The following DGLUCY variants were observed in gnomAD, a reference collection of about 807,000 sequenced individuals.
The protein encoded by DGLUCY is D-glutamate cyclase, mitochondrial.
In DGLUCY, 58 loss-of-function variants were observed where a neutral mutation model predicts 58.5. The observed-to-expected ratio is 0.99, with a 90% CI of 0.80 to 1.23. The LOEUF (loss-of-function observed/expected upper bound fraction) is 1.23, where lower values mean the gene tolerates loss of function less well. Among genes scored for constraint, DGLUCY ranks in the 50% most tolerant of loss-of-function variants. DGLUCY has a pLI of 0.00. For synonymous variants in DGLUCY, 325 were observed against 314.1 expected (o/e 1.03, Z -0.37); for missense variants, 779 against 784.7 (o/e 0.99, Z 0.09).
rs2047759709 is a variant in DGLUCY at position 91,157,964 on chromosome 14, A to G, written c.-30+274A>G. ...CTTGCACCTGCTGCCCTCTAGGGTA[A>G]TAATGAGGGTGGGTGGAGGTACCTG... On this transcript the variant is annotated intron_variant, in intron 2 of 13. Transcript: ENST00000256324. Among the ~76,000 whole-genome samples the G allele has an allele frequency of 2.0e-5, 3 of 152,224 alleles. No individual in the cohort carries two copies. The South Asian group carries it at 6.2e-4, about 31-fold the overall frequency.
chr14:91,196,816 A>G (rs2050249566), intron 10 of DGLUCY, among the ~76,000 whole-genome samples: 1 of 152,020 alleles, frequency 6.6e-6, no homozygotes, highest in Non-Finnish European at 1.5e-5. Context: ...AGAATAGTGA[A>G]ATCATTTCAG....
intron 8 of DGLUCY, among the ~76,000 whole-genome samples, chr14:91,188,593 A>G (rs994331217): frequency 3.3e-5 from 5 of 152,182 alleles, no homozygotes; most frequent in African/African-American, 4.8e-5. Context: ...TGGGAGGCCA[A>G]GGTGGGAAGA....
intron 5 of DGLUCY, among the ~76,000 whole-genome samples, chr14:91,172,897 G>A (rs931614718): frequency 6.6e-6 from 1 of 152,114 alleles, no homozygotes; most frequent in Non-Finnish European, 1.5e-5. Context: ...CGCCCACCTC[G>A]GCCTCCCAAG....
intron 8 of DGLUCY, among the ~76,000 whole-genome samples, chr14:91,185,810 C>T (rs1473220926): frequency 1.3e-5 from 2 of 151,994 alleles, no homozygotes; most frequent in African/African-American, 4.8e-5. Context: ...CCCATCAATG[C>T]TGTGCAGACT....
chr14:91,201,387 C>T (rs1300872117), intron 11 of DGLUCY, among the ~76,000 whole-genome samples: 1 of 152,042 alleles, frequency 6.6e-6, no homozygotes, highest in Non-Finnish European at 1.5e-5. Context: ...CAACCTCCGC[C>T]TCCCAGGTTT....
chr14:91,134,354 C>T (rs887077987), intron 1 of DGLUCY, among the ~76,000 whole-genome samples: 1 of 151,934 alleles, frequency 6.6e-6, no homozygotes, highest in African/African-American at 2.4e-5. Flanking sequence ...TTTCCATAAA[C>T]GATTTCACAT....
At position 91,204,711 on chromosome 14, in the gene DGLUCY, G is replaced by A. The variant is rs777862658; in HGVS notation, c.1450G>A (p.Gly484Ser). The A allele has an allele frequency of 2.0e-5, 33 of 1,613,720 alleles. No individual in the cohort carries two copies. The highest frequency in any genetic ancestry group is 1.6e-4 in the Middle Eastern group (1 of 6,084). Residue 484 changes from glycine to serine, a missense_variant, in exon 12 of 14, where the codon GGT becomes AGT. Physicochemically the swap from Gly to Ser is moderately conservative, Grantham distance 56 (BLOSUM62 0). Transcript: ENST00000256324. ...KIPGISSTGVGDGGNELGMGK... is the reference protein window; with the variant it reads ...KIPGISSTGVSDGGNELGMGK... Reference sequence around the variant, plus strand: ...TCAGCTCCCCTTCCCTTCAGGAGTCGGTGATGGAGGCAACGAGCTTGGGAT... The same window carrying A: ...TCAGCTCCCCTTCCCTTCAGGAGTCAGTGATGGAGGCAACGAGCTTGGGAT...
At chr14:91,184,560 A>G (rs2140474409) in intron 8 of DGLUCY, among the ~76,000 whole-genome samples, 1 of 123,256 alleles carries the variant, frequency 8.1e-6, no homozygotes, top group Non-Finnish European at 1.7e-5. Context: ...TGAAAGAAAG[A>G]AAGAAAGAAA....
intron 12 of DGLUCY, among the ~76,000 whole-genome samples, chr14:91,210,995 A>G (rs1278706675): frequency 6.6e-6 from 1 of 152,240 alleles, no homozygotes; most frequent in Non-Finnish European, 1.5e-5. Flanking sequence ...CCCAGAGCTA[A>G]TAAGTGATTA....
At chr14:91,224,639 T>G in intron 13 of DGLUCY, 45 bp from the exon 14 acceptor site, 2 of 1,525,768 alleles carry the variant, frequency 1.3e-6, no homozygotes, top group Non-Finnish European at 1.8e-6. Context: ...AAATTTCTTT[T>G]TCCTCCCCCT....
chr14:91,060,695 A>C, exon 1 of DGLUCY: 1 of 363,190 alleles, frequency 2.8e-6, no homozygotes, highest in Non-Finnish European at 4.8e-6. Context: ...CTCCGCCCAC[A>C]GCCAGCAAGG....
At chr14:91,090,844 G>T (rs1428439909) in intron 1 of DGLUCY, among the ~76,000 whole-genome samples, 1 of 152,218 alleles carries the variant, frequency 6.6e-6, no homozygotes, top group Non-Finnish European at 1.5e-5. Flanking sequence ...CCATCTTCCA[G>T]GGTGACTGTG....
At chr14:91,200,496 A>G (rs764145981) in intron 11 of DGLUCY, among the ~76,000 whole-genome samples, 8 of 152,206 alleles carry the variant, frequency 5.3e-5, no homozygotes, top group Non-Finnish European at 1.2e-4. Flanking sequence ...ATGGCATATT[A>G]TTTTGGTCAT....
chr14:91,122,189 TC>T (rs2045410594), intron 1 of DGLUCY, among the ~76,000 whole-genome samples: 1 of 151,668 alleles, frequency 6.6e-6, no homozygotes, highest in South Asian at 2.1e-4. Context: ...TGAGACAGGG[TC>T]CCACCCTGTT....
intron 9 of DGLUCY, among the ~76,000 whole-genome samples, chr14:91,194,544 C>CT (rs541744186): frequency 0.085 from 12,012 of 140,820 alleles, 544 homozygotes; most frequent in South Asian, 0.13. Flanking sequence ...GTGAGGGATC[C>CT]TTTTTTTTTT....
At chr14:91,086,644 C>T (rs2044225999) in intron 1 of DGLUCY, among the ~76,000 whole-genome samples, 1 of 152,090 alleles carries the variant, frequency 6.6e-6, no homozygotes, top group South Asian at 2.1e-4. Flanking sequence ...AGGTGGAACC[C>T]ACAGATATAG....
intron 1 of DGLUCY, among the ~76,000 whole-genome samples, chr14:91,062,562 T>A (rs56675015): frequency 0.56 from 14,654 of 26,144 alleles, 2,935 homozygotes; most frequent in African/African-American, 0.58. Flanking sequence ...AAAAAAAATA[T>A]ATATATATAT....
intron 1 of DGLUCY, among the ~76,000 whole-genome samples, chr14:91,157,293 A>ATG (rs2047714850): frequency 7.9e-6 from 1 of 126,954 alleles, no homozygotes; most frequent in Non-Finnish European, 1.7e-5. Flanking sequence ...GTGGGTGGAT[A>ATG]GATGGATGGA....
chr14:91,150,197 T>A (rs1439180261), intron 1 of DGLUCY, among the ~76,000 whole-genome samples: 2 of 114,850 alleles, frequency 1.7e-5, no homozygotes, highest in Non-Finnish European at 3.3e-5. Flanking sequence ...CCAGCCTGGG[T>A]GACAGAGTGA....
Sources: gnomAD v4.1 joint callset for allele counts (sites outside exome capture counted in the v4.1 genomes callset) on GRCh38, gnomAD v4.1.1 for gene constraint, MANE v1.5 for transcripts, NCBI Gene and HGNC (gene_info 2026-07-23, HGNC 2026-07-21) for gene names.